Variants in DOCK10 observed in about 807,000 individuals in gnomAD.
DOCK10 encodes dedicator of cytokinesis protein 10.
DOCK10 carries 145 observed loss-of-function variants against 280.1 expected under a neutral mutation model. The ratio of observed to expected loss-of-function variants is 0.52; its 90% CI spans 0.45 to 0.59. DOCK10 has a LOEUF of 0.59. Among genes scored for constraint, DOCK10 ranks in the 20% least tolerant of loss-of-function variants. DOCK10 has a pLI of 0.00. For synonymous variants in DOCK10, 915 were observed against 942.2 expected, an observed-to-expected ratio of 0.97 and a Z score of 0.53; for missense variants, 2,368 against 2,651.7, an observed-to-expected ratio of 0.89 and a Z score of 2.35.
At chr2:224,959,437 CTTTTTTT>C (rs55894832) in intron 1 of DOCK10, among the ~76,000 whole-genome samples, 1 of 142,314 alleles carries the variant, frequency 7.0e-6, no homozygotes. Flanking sequence ...TTATTATTTT[CTTTTTTT>C]TTTTTTTTTT....
At chr2:224,796,773 G>T (rs940811586) in intron 43 of DOCK10, among the ~76,000 whole-genome samples, 191 bp downstream of exon 43, 1 of 152,170 alleles carries the variant, frequency 6.6e-6, no homozygotes, top group Non-Finnish European at 1.5e-5. Context: ...TACAAGTGGA[G>T]ATAGGGCTCT....
chr2:224,990,699 C>T (rs1476001040), intron 1 of DOCK10, among the ~76,000 whole-genome samples: 1 of 152,140 alleles, frequency 6.6e-6, no homozygotes. Context: ...GCATATGTCT[C>T]CTCTGTGCTT....
At chr2:224,851,087 A>G (rs1324870587) in intron 18 of DOCK10, among the ~76,000 whole-genome samples, 1 of 152,108 alleles carries the variant, frequency 6.6e-6, no homozygotes, top group African/African-American at 2.4e-5. Flanking sequence ...TCTCCACCAC[A>G]GCATGCTACT....
At chr2:224,861,357 G>C (rs1205696548) in intron 14 of DOCK10, 3 of 152,206 alleles carry the variant, frequency 2.0e-5, no homozygotes, top group Admixed American at 2.0e-4. Flanking sequence ...GGGACCCAGA[G>C]ACATGGAGAA....
intron 3 of DOCK10, among the ~76,000 whole-genome samples, chr2:224,908,830 A>G (rs115072423): frequency 0.013 from 2,022 of 152,130 alleles, 42 homozygotes; most frequent in Admixed American, 0.042. Context: ...CATACCTCCT[A>G]AGTCCCCAAG....
chr2:225,036,168 T>C (rs1259170406), intron 1 of DOCK10, among the ~76,000 whole-genome samples: 1 of 152,188 alleles, frequency 6.6e-6, no homozygotes, highest in Non-Finnish European at 1.5e-5. Context: ...AGTGAGAACT[T>C]GTGCTGATTT....
intron 1 of DOCK10, among the ~76,000 whole-genome samples, chr2:224,974,494 T>C (rs1705288488): frequency 6.6e-6 from 1 of 152,074 alleles, no homozygotes; most frequent in Non-Finnish European, 1.5e-5. Flanking sequence ...TATCCTCAAC[T>C]GTATTACTCA....
At chr2:224,945,823 T>C (rs1703381093) in intron 1 of DOCK10, among the ~76,000 whole-genome samples, 1 of 152,098 alleles carries the variant, frequency 6.6e-6, no homozygotes, top group Non-Finnish European at 1.5e-5. Context: ...TTTAGCAATG[T>C]TTGGAGATGT....
chr2:224,991,712 A>G (rs1443535019), intron 1 of DOCK10, among the ~76,000 whole-genome samples: 1 of 152,186 alleles, frequency 6.6e-6, no homozygotes, highest in Non-Finnish European at 1.5e-5. Flanking sequence ...ACTTAAAGGT[A>G]TGGGCCACCC....
chr2:224,796,246 T>C, intron 44 of DOCK10, 70 bp downstream of exon 44: 1 of 949,220 alleles, frequency 1.1e-6, no homozygotes, highest in Non-Finnish European at 1.6e-6. Context: ...ATGATTTTGA[T>C]ATCTCACAAA....
chr2:224,816,047 C>T (rs1024145801), intron 30 of DOCK10, among the ~76,000 whole-genome samples: 1 of 151,580 alleles, frequency 6.6e-6, no homozygotes, highest in Non-Finnish European at 1.5e-5. Context: ...AACAAAACAA[C>T]CCCCTCCCCC....
At chr2:224,808,166 T>A (rs1334184632) in intron 31 of DOCK10, 80 bp from the exon 32 acceptor site, 5 of 1,263,332 alleles carry the variant, frequency 4.0e-6, no homozygotes, top group Non-Finnish European at 5.5e-6. Context: ...ACCAAACAAC[T>A]ACCATCAACT....
chr2:224,776,590 C>T (rs1343706098), intron 51 of DOCK10, among the ~76,000 whole-genome samples: 1 of 151,524 alleles, frequency 6.6e-6, no homozygotes, highest in Non-Finnish European at 1.5e-5. Context: ...TCAAGGATTT[C>T]ATGCCCAGAT....
intron 55 of DOCK10, 51 bp from the exon 56 acceptor site, chr2:224,765,888 T>C: frequency 7.2e-7 from 1 of 1,381,012 alleles, no homozygotes; most frequent in South Asian, 1.3e-5. Flanking sequence ...TTAATGTTAA[T>C]ATCCCAAACA....
At chr2:224,929,412 T>C (rs1026846064) in intron 2 of DOCK10, among the ~76,000 whole-genome samples, 1 of 152,148 alleles carries the variant, frequency 6.6e-6, no homozygotes, top group Non-Finnish European at 1.5e-5. Context: ...ATAGTATGTT[T>C]GGAACTGTGC....
In DOCK10 at chr2:225,037,950, G is replaced by A. The variant is rs141188722; in HGVS notation, c.123+4302C>T. On this transcript the variant is annotated intron_variant, in intron 1 of 55. Transcript: ENST00000258390. ...ACAAGTAACATTCAAACTTGATCTT[G>A]TAAACTAAGTTTGTGTTGACTTCTT... 3.7e-3 allele frequency among the ~76,000 whole-genome samples: 557 copies of A among 152,244 alleles called. 6 individuals carry two copies. Among genetic ancestry groups the A allele is most frequent in the African/African-American group, 0.013 (527 of 41,556 alleles).
intron 2 of DOCK10, among the ~76,000 whole-genome samples, chr2:224,930,566 A>G (rs1266145639): frequency 2.0e-5 from 2 of 102,522 alleles, no homozygotes; most frequent in African/African-American, 3.0e-5. Context: ...TCCATGGAGG[A>G]AGGTGAAAAA....
At chr2:224,973,294 C>T (rs865791753) in intron 1 of DOCK10, among the ~76,000 whole-genome samples, 10 of 152,216 alleles carry the variant, frequency 6.6e-5, no homozygotes, top group Non-Finnish European at 1.2e-4. Context: ...GTGCCTATGT[C>T]ATTTACACAG....
intron 1 of DOCK10, among the ~76,000 whole-genome samples, chr2:224,946,106 G>C (rs1294629741): frequency 6.6e-6 from 1 of 152,178 alleles, no homozygotes; most frequent in East Asian, 1.9e-4. Context: ...CACTTTACAT[G>C]AAAGTCACTG....
Sources: gnomAD v4.1 joint callset for allele counts (sites outside exome capture counted in the v4.1 genomes callset) on GRCh38, gnomAD v4.1.1 for gene constraint, MANE v1.5 for transcripts, NCBI Gene and HGNC (gene_info 2026-07-23, HGNC 2026-07-21) for gene names.